Variants in ABI1 observed in about 807,000 individuals in gnomAD.
ABI1 encodes the protein Abelson interactor 1.
A neutral mutation model predicts 54.6 loss-of-function variants in ABI1; 14 were observed. The observed-to-expected ratio is 0.26, with a 90% CI of 0.17 to 0.40. The LOEUF is 0.40. ABI1 is among the 10% of genes least tolerant of loss of function. ABI1 has a pLI of 1.00. For synonymous variants in ABI1, 194 were observed against 209.3 expected, an observed-to-expected ratio of 0.93 and a Z score of 0.63; for missense variants, 443 against 598.3, an observed-to-expected ratio of 0.74 and a Z score of 2.71.
Position 26,755,697 on chromosome 10 carries a change from G to C in ABI1, c.1042C>G (p.Gln348Glu). Residue 348 changes from glutamine to glutamate, a missense_variant, in exon 9 of 11, where the codon CAG (glutamine) becomes GAG (glutamate). Gln to Glu is a conservative substitution (Grantham distance 29). Around this residue, in one of 2 missense-constraint regions of ABI1, gnomAD observed 394 missense variants for 484.8 expected, o/e 0.81. Coordinates refer to ENST00000376140, the MANE Select transcript of ABI1 (RefSeq NM_001012750.3). ...GCCACGAAGCCTGTGAGAGGTATCT[G>C]TGGAGTCAACTGAGGCATAGGGGGA... ...PPPPMPQLTPQIPLTGFVARV... is the reference protein window; with the variant it reads ...PPPPMPQLTPEIPLTGFVARV... 1 of 1,613,658 alleles carries C rather than the reference G, an allele frequency of 6.2e-7. No homozygotes were observed.
intron 2 of ABI1, among the ~76,000 whole-genome samples, chr10:26,802,639 T>C (rs758660844): frequency 2.6e-5 from 4 of 152,094 alleles, no homozygotes; most frequent in Non-Finnish European, 5.9e-5. Flanking sequence ...ATGGTAAATA[T>C]AGGAAGTAGC....
intron 2 of ABI1, among the ~76,000 whole-genome samples, chr10:26,799,787 A>T (rs1049507369): frequency 2.2e-4 from 34 of 152,300 alleles, no homozygotes; most frequent in Admixed American, 2.0e-3. Context: ...TTAATGACAA[A>T]TTATAGCAAA....
chr10:26,765,704 A>G (rs903356173), intron 6 of ABI1, among the ~76,000 whole-genome samples: 2 of 150,344 alleles, frequency 1.3e-5, no homozygotes, highest in African/African-American at 4.9e-5. Context: ...GTGGGAGGGA[A>G]AGTGGTAGGC....
chr10:26,777,468 C>T (rs967274967), intron 2 of ABI1, among the ~76,000 whole-genome samples: 1 of 152,142 alleles, frequency 6.6e-6, no homozygotes, highest in African/African-American at 2.4e-5. Context: ...CTCTGGAAAG[C>T]AGTTTTCTTT....
intron 3 of ABI1, among the ~76,000 whole-genome samples, chr10:26,772,672 T>C (rs1564478585): frequency 6.6e-6 from 1 of 152,216 alleles, no homozygotes; most frequent in Non-Finnish European, 1.5e-5. Flanking sequence ...AAATAACCTC[T>C]ACATCTTACA....
At chr10:26,827,894 G>T (rs2048415751) in intron 1 of ABI1, among the ~76,000 whole-genome samples, 1 of 151,974 alleles carries the variant, frequency 6.6e-6, no homozygotes, top group African/African-American at 2.4e-5. Flanking sequence ...CACCCGGCCA[G>T]CTTTTCTCTT....
At chr10:26,764,744 A>ACTAT (rs1403557186) in intron 7 of ABI1, among the ~76,000 whole-genome samples, 4 of 152,248 alleles carry the variant, frequency 2.6e-5, no homozygotes, top group African/African-American at 9.6e-5. Context: ...CTATTCCCTA[A>ACTAT]ACAATACAGT....
chr10:26,782,638 G>A (rs965883310), intron 2 of ABI1, among the ~76,000 whole-genome samples: 5 of 151,420 alleles, frequency 3.3e-5, no homozygotes, highest in African/African-American at 9.7e-5. Context: ...CAGGAGAAAC[G>A]CTTGAACCAG....
chr10:26,789,005 A>C (rs901761384), intron 2 of ABI1: 13 of 152,040 alleles, frequency 8.6e-5, no homozygotes, highest in African/African-American at 2.7e-4. Flanking sequence ...TGAGAAAAAA[A>C]AAAAAGTGGA....
At chr10:26,787,136 T>C (rs1394285119) in intron 2 of ABI1, among the ~76,000 whole-genome samples, 1 of 152,212 alleles carries the variant, frequency 6.6e-6, no homozygotes, top group Non-Finnish European at 1.5e-5. Flanking sequence ...ACCTTGGCTA[T>C]TGCAACAGTC....
intron 3 of ABI1, among the ~76,000 whole-genome samples, chr10:26,773,356 C>CATGCTTG (rs1411970800): frequency 5.3e-5 from 8 of 151,410 alleles, no homozygotes; most frequent in African/African-American, 1.9e-4. Context: ...TGTGTGCCAC[C>CATGCTTG]ATGCTTGGCT....
Position 26,751,709 on chromosome 10 carries a change from G to T in ABI1, c.1159C>A (p.Pro387Thr). 2 of 1,614,020 alleles carry T rather than the reference G, an allele frequency of 1.2e-6. No individual in the cohort carries two copies. The highest frequency in any genetic ancestry group is 1.7e-5 in the Admixed American group (1 of 60,004). The change falls in exon 10 of 11, where the codon CCA becomes ACA. Residue 387 changes from proline (P) to threonine (T), a missense_variant. By Grantham distance (38) the Pro-to-Thr change is conservative. Transcript: ENST00000376140. Reference protein sequence around the residue: ...IPMFDDSPPPPPPPPVDYEDE... With the variant: ...IPMFDDSPPPTPPPPVDYEDE... ...TCATAATCCACTGGTGGTGGTGGTGGGGGAGGTGGAGAGTCATCAAACATG... is the reference window on the plus strand; with the variant it reads ...TCATAATCCACTGGTGGTGGTGGTGTGGGAGGTGGAGAGTCATCAAACATG...
At chr10:26,823,409 T>TAA in intron 1 of ABI1, 104 bp from the exon 2 acceptor site, 17 of 943,542 alleles carry the variant, frequency 1.8e-5, no homozygotes, top group Non-Finnish European at 2.0e-5. Flanking sequence ...AGAAATTCAA[T>TAA]AAAAAAAAAC....
intron 2 of ABI1, among the ~76,000 whole-genome samples, chr10:26,815,482 G>A (rs941214803): frequency 6.6e-6 from 1 of 152,062 alleles, no homozygotes; most frequent in Non-Finnish European, 1.5e-5. Flanking sequence ...ATTAAATAAA[G>A]AAGAAAAATA....
intron 10 of ABI1, among the ~76,000 whole-genome samples, chr10:26,750,433 G>A (rs1837472578): frequency 6.6e-6 from 1 of 152,194 alleles, no homozygotes; most frequent in East Asian, 1.9e-4. Flanking sequence ...GGCGGAAGTT[G>A]CAGTGAGCCG....
At chr10:26,841,959 T>TAGGC (rs2049548580) in intron 1 of ABI1, among the ~76,000 whole-genome samples, 1 of 152,182 alleles carries the variant, frequency 6.6e-6, no homozygotes, top group African/African-American at 2.4e-5. Context: ...GATAAGGAAT[T>TAGGC]GCTGGGTCAT....
At chr10:26,758,744 T>C (rs1458028218) in intron 8 of ABI1, among the ~76,000 whole-genome samples, 1 of 152,224 alleles carries the variant, frequency 6.6e-6, no homozygotes, top group Non-Finnish European at 1.5e-5. Flanking sequence ...ATTCAGTTTA[T>C]TTCTGCAATG....
At chr10:26,840,158 T>C (rs1453566538) in intron 1 of ABI1, among the ~76,000 whole-genome samples, 1 of 152,136 alleles carries the variant, frequency 6.6e-6, no homozygotes, top group Non-Finnish European at 1.5e-5. Flanking sequence ...TGGATCCTAA[T>C]GGGAGGTGTC....
At chr10:26,755,616 A>G (rs370611507) in intron 9 of ABI1, 39 bp downstream of exon 9, 26 of 1,504,982 alleles carry the variant, frequency 1.7e-5, no homozygotes, top group Non-Finnish European at 2.2e-5. Context: ...ATAAGGAGAC[A>G]GCCTCTACTC....
Sources: allele counts gnomAD v4.1 joint callset (sites outside exome capture counted in the v4.1 genomes callset), GRCh38; gene constraint gnomAD v4.1.1; regional missense constraint gnomAD v4.1.1; transcripts MANE v1.5; gene names NCBI Gene and HGNC (gene_info 2026-07-23, HGNC 2026-07-21).